The following RDX variants were observed in gnomAD, a reference collection of about 807,000 sequenced individuals.
The protein encoded by RDX is deafness, autosomal recessive 24.
In RDX, 32 loss-of-function variants were observed where a neutral mutation model predicts 83.7. The ratio of observed to expected loss-of-function variants is 0.38; its 90% CI spans 0.29 to 0.51. The LOEUF (loss-of-function observed/expected upper bound fraction) is 0.51, where lower values mean the gene tolerates loss of function less well. RDX is among the 20% of genes least tolerant of loss of function. The pLI is 0.87. For missense variants in RDX, 600 were observed against 689.9 expected, an observed-to-expected ratio of 0.87 and a Z score of 1.46; for synonymous variants, 229 against 222.7, an observed-to-expected ratio of 1.03 and a Z score of -0.25.
chr11:110,253,795 A>C, intron 9 of RDX, 151 bp downstream of exon 9: 1 of 700,536 alleles, frequency 1.4e-6, no homozygotes, highest in East Asian at 2.8e-5. Context: ...TACTCGTTTT[A>C]AAGGACAGAG....
At chr11:110,182,805 T>C (rs1416309748) in intron 15 of RDX, among the ~76,000 whole-genome samples, 1 of 152,182 alleles carries the variant, frequency 6.6e-6, no homozygotes, top group Non-Finnish European at 1.5e-5. Context: ...ATGAATAGCA[T>C]TGCTGCATTT....
In RDX at chr11:110,201,471, G is replaced by A. The variant is rs12222078; in HGVS notation, c.1749-1793C>T. Among the ~76,000 whole-genome samples the A allele has an allele frequency of 3.2e-4, 48 of 152,280 alleles. No individual in the cohort carries two copies. The East Asian group carries it at 8.5e-3, about 27-fold the overall frequency. Reference sequence around the variant, plus strand: ...TGCATGTATGAGTTTCCCTAACAGGGAAAGAAAGGTGAAGAGACGTCAGAA... The same window carrying A: ...TGCATGTATGAGTTTCCCTAACAGGAAAAGAAAGGTGAAGAGACGTCAGAA... On this transcript the variant is annotated intron_variant, in intron 14 of 15. Transcript: ENST00000528498.
At chr11:110,236,012 A>AGATAC (rs1406877189) in intron 12 of RDX, 87 bp downstream of exon 12, 1 of 910,336 alleles carries the variant, frequency 1.1e-6, no homozygotes, top group East Asian at 2.4e-5. Flanking sequence ...AAATTATGAC[A>AGATAC]GTATCTTACA....
At chr11:110,243,191 A>C (rs1470037724) in intron 10 of RDX, among the ~76,000 whole-genome samples, 1 of 152,226 alleles carries the variant, frequency 6.6e-6, no homozygotes, top group Non-Finnish European at 1.5e-5. Flanking sequence ...TCAACCAGTA[A>C]GTATAATGCA....
At chr11:110,232,690 G>A (rs1354085062) in intron 13 of RDX, among the ~76,000 whole-genome samples, 2 of 151,828 alleles carry the variant, frequency 1.3e-5, no homozygotes, top group African/African-American at 2.4e-5. Context: ...GCATGATCTC[G>A]GCTCACTGCA....
At chr11:110,274,195 C>A (rs184018136) in intron 2 of RDX, among the ~76,000 whole-genome samples, 9 of 152,116 alleles carry the variant, frequency 5.9e-5, no homozygotes, top group African/African-American at 2.2e-4. Flanking sequence ...CATATATAAA[C>A]AATGAAGAAT....
At chr11:110,185,870 G>A (rs558875290) in intron 15 of RDX, among the ~76,000 whole-genome samples, 13 of 152,224 alleles carry the variant, frequency 8.5e-5, no homozygotes, top group South Asian at 4.1e-4. Context: ...AGGAAAATCC[G>A]GGAACAGGAC....
intron 14 of RDX, among the ~76,000 whole-genome samples, chr11:110,207,779 G>A (rs114202233): frequency 0.017 from 2,582 of 152,150 alleles, 91 homozygotes; most frequent in African/African-American, 0.056. Flanking sequence ...TGTATAGCTG[G>A]GACAGAGACA....
chr11:110,243,506 C>T (rs1257425418), intron 10 of RDX, among the ~76,000 whole-genome samples: 1 of 152,084 alleles, frequency 6.6e-6, no homozygotes, highest in Non-Finnish European at 1.5e-5. Context: ...CACTTGAGGC[C>T]AGGAGTTGGA....
intron 1 of RDX, among the ~76,000 whole-genome samples, chr11:110,289,258 A>C (rs1861116368): frequency 6.6e-6 from 1 of 151,586 alleles, no homozygotes; most frequent in African/African-American, 2.4e-5. Flanking sequence ...AAAAAAAAAA[A>C]AAACTTTTTA....
rs962434820 is a variant in RDX, at chr11:110,255,398, A to G, written c.699-13T>C. On this transcript the variant is annotated splice_polypyrimidine_tract_variant and intron_variant, in intron 7 of 13. Transcript: ENST00000645495. The stretch of plus-strand genomic sequence containing the variant: ...TTTAGGTGTTAACCTTAAAAAATGA[A>G]AGCATCTCCTTAATTAAAGGCAGGA... 15 of 1,299,602 alleles carry G rather than the reference A, an allele frequency of 1.2e-5. No homozygotes were observed. The highest frequency in any genetic ancestry group is 1.7e-5 in the Non-Finnish European group (15 of 893,834). 80.5% of individuals were successfully genotyped at this position (1,299,602 alleles called of 1,614,324 possible). A position where few individuals can be genotyped will look rare whatever the true frequency, so the allele number is the denominator to read the frequency against.
At chr11:110,256,969 G>A (rs1425649005) in intron 7 of RDX, among the ~76,000 whole-genome samples, 1 of 151,904 alleles carries the variant, frequency 6.6e-6, no homozygotes, top group Non-Finnish European at 1.5e-5. Context: ...TTAGGAAAAG[G>A]CATTAATTAC....
intron 14 of RDX, among the ~76,000 whole-genome samples, chr11:110,207,329 G>A (rs575826878): frequency 1.3e-5 from 2 of 152,238 alleles, no homozygotes; most frequent in South Asian, 4.1e-4. Context: ...AACCTGAGGA[G>A]GGCACCCTGC....
downstream of RDX, among the ~76,000 whole-genome samples, chr11:110,226,439 C>T (rs1031819808): frequency 6.6e-6 from 1 of 152,014 alleles, no homozygotes; most frequent in African/African-American, 2.4e-5. Context: ...TTTATAGAGA[C>T]AGAAAGTAGA....
At chr11:110,179,560 G>T (rs1253101075) in intron 15 of RDX, among the ~76,000 whole-genome samples, 2 of 152,126 alleles carry the variant, frequency 1.3e-5, no homozygotes, top group Non-Finnish European at 2.9e-5. Flanking sequence ...ATCACCTGAG[G>T]TTGGAAGTTT....
intron 12 of RDX, among the ~76,000 whole-genome samples, chr11:110,234,086 C>G (rs1208213353): frequency 6.6e-6 from 1 of 152,122 alleles, no homozygotes; most frequent in Non-Finnish European, 1.5e-5. Context: ...GAACAATACC[C>G]CCTTTTTCTC....
At chr11:110,240,013 C>CATAGTATCCAGCAATATCCAGCA (rs1421298102) in intron 10 of RDX, among the ~76,000 whole-genome samples, 1 of 152,026 alleles carries the variant, frequency 6.6e-6, no homozygotes, top group Non-Finnish European at 1.5e-5. Flanking sequence ...ATATCCAAAA[C>CATAGTATCCAGCAATATCCAGCA]ATAGTATCCA....
intron 12 of RDX, among the ~76,000 whole-genome samples, chr11:110,235,153 AC>A (rs1398628607): frequency 6.6e-6 from 1 of 151,996 alleles, no homozygotes. Flanking sequence ...GCAGTTCAAG[AC>A]CAACCTGGGT....
At chr11:110,268,113 G>C (rs1432473157) in intron 3 of RDX, among the ~76,000 whole-genome samples, 3 of 151,952 alleles carry the variant, frequency 2.0e-5, no homozygotes, top group Non-Finnish European at 2.9e-5. Flanking sequence ...TTCAAAACCA[G>C]CCTGGCCAAC....
Sources: gnomAD v4.1 joint callset for allele counts (sites outside exome capture counted in the v4.1 genomes callset) on GRCh38, gnomAD v4.1.1 for gene constraint, MANE v1.5 for transcripts, NCBI Gene and HGNC (gene_info 2026-07-23, HGNC 2026-07-21) for gene names.